COL24A1: variants seen among roughly 807,000 people sequenced by gnomAD.
COL24A1 encodes collagen type XXIV alpha 1 chain.
A neutral mutation model predicts 253.9 loss-of-function variants in COL24A1; 224 were observed. The observed-to-expected ratio is 0.88, with a 90% CI of 0.79 to 0.99. COL24A1 has a LOEUF of 0.99. Ranked by LOEUF, COL24A1 falls within the 50% of genes least tolerant of loss-of-function variation. COL24A1 has a pLI of 0.00. For synonymous variants in COL24A1, 685 were observed against 673.7 expected (o/e 1.02, Z -0.26); for missense variants, 2,131 against 2,068.5 (o/e 1.03, Z -0.59).
intron 37 of COL24A1, among the ~76,000 whole-genome samples, chr1:85,868,096 GT>G (rs544290272): frequency 3.9e-4 from 59 of 152,188 alleles, no homozygotes; most frequent in Non-Finnish European, 6.9e-4. Flanking sequence ...TCAAAATGAT[GT>G]TTAGAACTTC....
At chr1:86,024,007 G>A (rs1697795613) in intron 14 of COL24A1, among the ~76,000 whole-genome samples, 1 of 152,008 alleles carries the variant, frequency 6.6e-6, no homozygotes, top group South Asian at 2.1e-4. Flanking sequence ...GTTACCTCTT[G>A]TAGTTAGAAT....
intron 47 of COL24A1, among the ~76,000 whole-genome samples, chr1:85,792,786 A>G (rs532711638): frequency 2.4e-4 from 37 of 152,184 alleles, no homozygotes; most frequent in Admixed American, 5.2e-4. Context: ...AAATAATTAT[A>G]ATGACAGCAA....
chr1:86,063,687 A>C, intron 8 of COL24A1, 28 bp downstream of exon 8: 6 of 1,491,594 alleles, frequency 4.0e-6, no homozygotes, highest in Non-Finnish European at 5.4e-6. Context: ...TTCACACATG[A>C]TACAAGTCTT....
intron 19 of COL24A1, among the ~76,000 whole-genome samples, chr1:86,003,094 T>G (rs1215499824): frequency 6.6e-6 from 1 of 152,178 alleles, no homozygotes; most frequent in Non-Finnish European, 1.5e-5. Context: ...CCTATGGCAG[T>G]TTGCAGTGAG....
chr1:85,731,183 C>T (rs973492085), intron 59 of COL24A1, among the ~76,000 whole-genome samples: 3 of 151,838 alleles, frequency 2.0e-5, no homozygotes, highest in Non-Finnish European at 4.4e-5. Context: ...TAGGTCTCTT[C>T]CCCCCCGCCC....
intron 14 of COL24A1, among the ~76,000 whole-genome samples, chr1:86,029,618 T>C (rs1414136187): frequency 6.7e-6 from 1 of 149,332 alleles, no homozygotes; most frequent in Non-Finnish European, 1.5e-5. Flanking sequence ...TTGATTTTTT[T>C]TTTTTTTTTT....
At chr1:85,828,662 C>T (rs201771111) in intron 43 of COL24A1, among the ~76,000 whole-genome samples, 11,975 of 126,850 alleles carry the variant, frequency 0.094, 729 homozygotes, top group South Asian at 0.14. Flanking sequence ...GAATTGATCC[C>T]TTTACCATTT....
At position 85,929,946 on chromosome 1, in the gene COL24A1, A is replaced by G. The variant is rs1687652813; in HGVS notation, c.2563-18513T>C. ...CGCATTCAAAGCAGTGTGTAGAGGG[A>G]AATTTATAGCACTAAATGCCTACAA... On this transcript the variant is annotated intron_variant, in intron 24 of 59. Coordinates refer to ENST00000370571, the MANE Select transcript of COL24A1 (RefSeq NM_152890.7). Among the ~76,000 whole-genome samples, 7 of 60,172 alleles carry G rather than the reference A, an allele frequency of 1.2e-4. No homozygotes were observed. The South Asian group carries it at 8.3e-3, about 72-fold the overall frequency. The allele number at this position is 60,172 out of a possible 152,430, so 39.5% of individuals were successfully genotyped here. A position where few individuals can be genotyped will look rare whatever the true frequency, so the allele number is the denominator to read the frequency against.
intron 24 of COL24A1, among the ~76,000 whole-genome samples, chr1:85,929,129 C>T (rs1374465783): frequency 4.2e-4 from 2 of 4,780 alleles, no homozygotes; most frequent in African/African-American, 2.6e-3. Context: ...TTAAAAGACA[C>T]AGACTGGCAA....
intron 47 of COL24A1, among the ~76,000 whole-genome samples, chr1:85,809,182 A>G (rs890019090): frequency 3.3e-5 from 5 of 152,122 alleles, no homozygotes; most frequent in Non-Finnish European, 5.9e-5. Context: ...TAGAAACTAT[A>G]CCTATCTTGT....
chr1:85,862,337 A>C (rs1679249865), intron 37 of COL24A1, among the ~76,000 whole-genome samples: 2 of 152,210 alleles, frequency 1.3e-5, no homozygotes, highest in Non-Finnish European at 2.9e-5. Context: ...TTATAGAATC[A>C]CAGTCTGTAA....
Position 85,807,174 on chromosome 1 carries a change from C to T in COL24A1, c.3951+9614G>A, listed in dbSNP as rs1466169750. ...AGATTGGCAATTTGAAGCCTGGACTCGATTGTGGCCTACAGTCAATGAGGT... is the reference window on the plus strand; with the variant it reads ...AGATTGGCAATTTGAAGCCTGGACTTGATTGTGGCCTACAGTCAATGAGGT... On this transcript the variant is annotated intron_variant, in intron 47 of 59. Coordinates refer to ENST00000370571, the MANE Select transcript of COL24A1 (RefSeq NM_152890.7). Among the ~76,000 whole-genome samples the T allele has an allele frequency of 2.0e-5, 3 of 152,132 alleles. 1 individual carries two copies. The highest frequency in any genetic ancestry group is 7.2e-5 in the African/African-American group (3 of 41,424).
intron 43 of COL24A1, among the ~76,000 whole-genome samples, chr1:85,829,686 C>G (rs1277945927): frequency 6.6e-6 from 1 of 152,084 alleles, no homozygotes; most frequent in Non-Finnish European, 1.5e-5. Context: ...TCTTCCATCA[C>G]TGCTACCCTT....
intron 20 of COL24A1, among the ~76,000 whole-genome samples, chr1:85,973,315 T>G (rs1692354891): frequency 6.6e-6 from 1 of 152,152 alleles, no homozygotes; most frequent in African/African-American, 2.4e-5. Context: ...GAGTCCCTGT[T>G]CCCAATGAAT....
rs1193697861 is a variant in COL24A1, at chr1:86,059,141, G to C, written c.1786C>G (p.Pro596Ala). The C allele has an allele frequency of 1.2e-6, 2 of 1,611,312 alleles. No individual in the cohort carries two copies. Among genetic ancestry groups the C allele is most frequent in the African/African-American group, 1.3e-5 (1 of 74,812 alleles). ...TGCACCTGCCTGCCAGGGTAACCGG[G>C]TGAACCAATATTACCAGCAAATCCT... ...IPGFAGNIGS[P>A]GYPGRQGLAG... The change falls in exon 9 of 60, where the codon CCC becomes GCC. Residue 596 changes from proline to alanine, a missense_variant. Pro to Ala is a conservative substitution (Grantham distance 27, BLOSUM62 -1). Transcript: ENST00000370571.
intron 24 of COL24A1, among the ~76,000 whole-genome samples, chr1:85,945,538 G>A (rs1211210614): frequency 6.7e-6 from 1 of 150,198 alleles, no homozygotes; most frequent in Non-Finnish European, 1.5e-5. Flanking sequence ...TCATCCTTGA[G>A]AATACTGATG....
intron 20 of COL24A1, among the ~76,000 whole-genome samples, chr1:85,975,885 C>T (rs1285803055): frequency 6.6e-6 from 1 of 152,110 alleles, no homozygotes; most frequent in African/African-American, 2.4e-5. Context: ...AGGATTTAAC[C>T]TTACCTAGAG....
At chr1:85,740,953 CAAAA>C (rs774839476) in intron 57 of COL24A1, among the ~76,000 whole-genome samples, 3 of 83,030 alleles carry the variant, frequency 3.6e-5, no homozygotes, top group African/African-American at 1.3e-4. Flanking sequence ...TCTAAAAATA[CAAAA>C]AAAAAAAAAA....
intron 57 of COL24A1, 116 bp downstream of exon 57, chr1:85,744,550 C>G: frequency 1.4e-6 from 1 of 720,888 alleles, no homozygotes; most frequent in Non-Finnish European, 2.1e-6. Flanking sequence ...AAAATGGCTT[C>G]TGCCAGGGTT....
Sources: allele counts gnomAD v4.1 joint callset (sites outside exome capture counted in the v4.1 genomes callset), GRCh38; gene constraint gnomAD v4.1.1; transcripts MANE v1.5; gene names NCBI Gene and HGNC (gene_info 2026-07-23, HGNC 2026-07-21).